TRAPPC9: variants seen among roughly 807,000 people sequenced by gnomAD.
TRAPPC9 encodes the protein trafficking protein particle complex subunit 9.
A neutral mutation model predicts 124.0 loss-of-function variants in TRAPPC9; 83 were observed. The ratio of observed to expected loss-of-function variants is 0.67; its 90% CI spans 0.56 to 0.80. The LOEUF (loss-of-function observed/expected upper bound fraction) is 0.80. TRAPPC9 is among the 30% of genes least tolerant of loss of function. The pLI is 0.00. For synonymous variants in TRAPPC9, 638 were observed against 617.5 expected, an observed-to-expected ratio of 1.03 and a Z score of -0.49; for missense variants, 1,302 against 1,508.3, an observed-to-expected ratio of 0.86 and a Z score of 2.27.
At chr8:139,889,250 T>A (rs887640643) in intron 20 of TRAPPC9, among the ~76,000 whole-genome samples, 1 of 151,992 alleles carries the variant, frequency 6.6e-6, no homozygotes, top group South Asian at 2.1e-4. Context: ...ACTGGTCAAA[T>A]CCACAGAGAC....
At chr8:140,388,708 C>T (rs1477142943) in intron 7 of TRAPPC9, among the ~76,000 whole-genome samples, 2 of 151,278 alleles carry the variant, frequency 1.3e-5, no homozygotes, top group African/African-American at 2.4e-5. Context: ...ATTAGTTGGG[C>T]GTGGTGGTGC....
intron 17 of TRAPPC9, among the ~76,000 whole-genome samples, chr8:140,161,077 G>A (rs899954591): frequency 6.6e-6 from 1 of 152,204 alleles, no homozygotes; most frequent in Admixed American, 6.5e-5. Flanking sequence ...TCATGGCTAA[G>A]AACTGACAGA....
At chr8:140,005,579 G>A (rs1381372) in intron 18 of TRAPPC9, among the ~76,000 whole-genome samples, 5 of 151,250 alleles carry the variant, frequency 3.3e-5, no homozygotes, top group South Asian at 4.2e-4. Flanking sequence ...CAATCAGCAC[G>A]GCTTATTGGG....
intron 21 of TRAPPC9, among the ~76,000 whole-genome samples, chr8:139,779,428 G>T (rs538789902): frequency 4.0e-5 from 6 of 151,728 alleles, no homozygotes; most frequent in Admixed American, 1.3e-4. Flanking sequence ...AGAAATGAAG[G>T]CACAGGAAAT....
chr8:139,846,361 T>G (rs981511908), intron 21 of TRAPPC9, among the ~76,000 whole-genome samples: 2 of 152,240 alleles, frequency 1.3e-5, no homozygotes, highest in Non-Finnish European at 2.9e-5. Context: ...CTTGTCTGGC[T>G]TGGCTGCTGT....
intron 21 of TRAPPC9, among the ~76,000 whole-genome samples, chr8:139,865,145 G>C (rs1587023602): frequency 6.6e-6 from 1 of 152,190 alleles, no homozygotes; most frequent in South Asian, 2.1e-4. Context: ...CACAACTAAG[G>C]CTGTCCCCAT....
intron 17 of TRAPPC9, among the ~76,000 whole-genome samples, chr8:140,075,974 G>A (rs533891436): frequency 2.0e-5 from 3 of 152,160 alleles, no homozygotes; most frequent in South Asian, 2.1e-4. Flanking sequence ...CAACGATAAC[G>A]AGAAGAGCAG....
chr8:140,250,646 T>C (rs540389219), intron 16 of TRAPPC9, among the ~76,000 whole-genome samples: 9 of 152,336 alleles, frequency 5.9e-5, no homozygotes, highest in African/African-American at 2.2e-4. Flanking sequence ...TCTTCGTGCC[T>C]ACCTTTTCCT....
chr8:140,435,112 C>T lies in TRAPPC9; in HGVS notation c.859G>A (p.Gly287Arg), dbSNP rs2070765503. ...AGGCCGGAAAAAGGGCAGAGCTCAC[C>T]TGGCCGGTGTCTATTGGCTGCTTCA... Reference protein sequence around the residue: ...PAEAANRHRPGAQEVLIDPGA... With the variant: ...PAEAANRHRPRAQEVLIDPGA... Residue 287 changes from glycine to arginine, a missense_variant and splice_region_variant, in exon 4 of 23, where the codon GGG becomes AGG. This residue lies in a region of TRAPPC9 where 657 missense variants were observed against 811.2 expected (regional missense o/e 0.81). Coordinates refer to ENST00000438773, the MANE Select transcript of TRAPPC9 (RefSeq NM_001160372.4). 24 of 1,614,192 alleles carry T rather than the reference C, an allele frequency of 1.5e-5. No individual in the cohort carries two copies. The highest frequency in any genetic ancestry group is 2.0e-5 in the Non-Finnish European group (24 of 1,180,038).
At position 139,728,640 on chromosome 8, in the gene TRAPPC9, C is replaced by T. The variant is rs925094811; in HGVS notation, c.*2421G>A. On this transcript the variant is annotated 3_prime_UTR_variant, in exon 23 of 23. Transcript: ENST00000438773. Reference sequence around the variant, plus strand: ...TAAAGCTCCAAACGCTTGGAGCACACACAAGGCCTGACTCCAGGTCACCTT... The same window carrying T: ...TAAAGCTCCAAACGCTTGGAGCACATACAAGGCCTGACTCCAGGTCACCTT... 1.3e-5 allele frequency among the ~76,000 whole-genome samples: 2 copies of T among 152,220 alleles called. No homozygotes were observed. The highest frequency in any genetic ancestry group is 4.8e-5 in the African/African-American group (2 of 41,460).
intron 2 of TRAPPC9, among the ~76,000 whole-genome samples, chr8:140,444,787 G>A (rs111832908): frequency 2.0e-5 from 3 of 151,146 alleles, no homozygotes; most frequent in Non-Finnish European, 4.4e-5. Context: ...CACTTGAACC[G>A]GGGAGGCGGA....
intron 17 of TRAPPC9, among the ~76,000 whole-genome samples, chr8:140,153,924 C>T (rs1371051502): frequency 6.6e-6 from 1 of 152,184 alleles, no homozygotes; most frequent in Admixed American, 6.5e-5. Flanking sequence ...TCTACGTTTG[C>T]TTATGTGACA....
At chr8:140,336,932 T>A (rs1040071095) in intron 9 of TRAPPC9, among the ~76,000 whole-genome samples, 1 of 152,176 alleles carries the variant, frequency 6.6e-6, no homozygotes, top group East Asian at 1.9e-4. Context: ...TAAGGATGAC[T>A]CCAAAAGCTG....
At chr8:140,144,788 T>C (rs1445428942) in intron 17 of TRAPPC9, among the ~76,000 whole-genome samples, 2 of 150,548 alleles carry the variant, frequency 1.3e-5, no homozygotes, top group African/African-American at 4.9e-5. Context: ...CACCCAGCTT[T>C]AATTGTATTT....
chr8:140,143,053 A>C (rs1156495149), intron 17 of TRAPPC9, among the ~76,000 whole-genome samples: 1 of 152,242 alleles, frequency 6.6e-6, no homozygotes, highest in Non-Finnish European at 1.5e-5. Context: ...GAGTGAGTGA[A>C]TGAGTGGCTG....
At chr8:139,974,584 G>A (rs562456643) in intron 19 of TRAPPC9, among the ~76,000 whole-genome samples, 1 of 152,240 alleles carries the variant, frequency 6.6e-6, no homozygotes, top group Non-Finnish European at 1.5e-5. Flanking sequence ...ATTCAACTCA[G>A]GATGGCTTGA....
At chr8:140,351,389 T>G (rs1285621958) in intron 9 of TRAPPC9, among the ~76,000 whole-genome samples, 1 of 151,856 alleles carries the variant, frequency 6.6e-6, no homozygotes, top group Admixed American at 6.6e-5. Context: ...TTTTTTTTCC[T>G]TCCCTAAACA....
rs367915448 is a variant in TRAPPC9, at chr8:140,419,227, G to A, written c.886+7388C>T. ...GTGGATCAGGAGGTCAGGAGATTGA[G>A]ACCATCCTGGCTAACACGGTGAAAC... On this transcript the variant is annotated intron_variant, in intron 5 of 22. Transcript: ENST00000438773. 2.1e-3 allele frequency among the ~76,000 whole-genome samples: 320 copies of A among 151,876 alleles called. 1 individual carries two copies. The highest frequency in any genetic ancestry group is 6.7e-3 in the African/African-American group (279 of 41,442).
At chr8:140,330,107 T>C (rs995834696) in intron 9 of TRAPPC9, among the ~76,000 whole-genome samples, 2 of 151,904 alleles carry the variant, frequency 1.3e-5, no homozygotes, top group East Asian at 3.9e-4. Flanking sequence ...CTCAATGCTA[T>C]ATGTTCACGC....
Sources: gnomAD v4.1 joint callset for allele counts (sites outside exome capture counted in the v4.1 genomes callset) on GRCh38, gnomAD v4.1.1 for gene constraint, gnomAD v4.1.1 regional missense constraint, MANE v1.5 for transcripts, NCBI Gene and HGNC (gene_info 2026-07-23, HGNC 2026-07-21) for gene names.